DOCK4: variants seen among roughly 807,000 people sequenced by gnomAD.
DOCK4 encodes dedicator of cytokinesis 4.
DOCK4 carries 97 observed loss-of-function variants against 268.1 expected under a neutral mutation model. The observed-to-expected ratio is 0.36, with a 90% CI of 0.31 to 0.43. The LOEUF is 0.43. DOCK4 is among the 20% of genes least tolerant of loss of function. The pLI, the probability that DOCK4 is intolerant of heterozygous loss-of-function variation, is 1.00. For synonymous variants in DOCK4, 954 were observed against 887.2 expected (o/e 1.08, Z -1.34); for missense variants, 2,145 against 2,455.7 (o/e 0.87, Z 2.67).
chr7:112,134,009 T>G (rs1302739705), intron 1 of DOCK4, among the ~76,000 whole-genome samples: 1 of 152,178 alleles, frequency 6.6e-6, no homozygotes, highest in Non-Finnish European at 1.5e-5. Flanking sequence ...AGATTAGCTA[T>G]TATTTGGTAA....
chr7:111,868,357 A>T (rs10269918), intron 21 of DOCK4, among the ~76,000 whole-genome samples: 15,329 of 152,226 alleles, frequency 0.1, 973 homozygotes, highest in African/African-American at 0.17. Context: ...GAGAAAAAAA[A>T]TTTAAAAACA....
At chr7:112,114,996 A>G (rs568911872) in intron 1 of DOCK4, among the ~76,000 whole-genome samples, 1 of 152,304 alleles carries the variant, frequency 6.6e-6, no homozygotes, top group Admixed American at 6.5e-5. Context: ...ATTAAAACCC[A>G]TTCCCAACAG....
At chr7:111,951,325 G>C (rs1370534811) in intron 8 of DOCK4, among the ~76,000 whole-genome samples, 7 of 152,126 alleles carry the variant, frequency 4.6e-5, no homozygotes, top group Non-Finnish European at 8.8e-5. Flanking sequence ...AGTAGGAGGT[G>C]GAAACCACTG....
At chr7:111,906,019 T>C (rs1791539435) in intron 13 of DOCK4, among the ~76,000 whole-genome samples, 3 of 152,208 alleles carry the variant, frequency 2.0e-5, no homozygotes, top group Non-Finnish European at 2.9e-5. Context: ...ATTTCCATTT[T>C]GCAGATGAGG....
At chr7:112,099,065 G>A (rs1005255105) in intron 1 of DOCK4, among the ~76,000 whole-genome samples, 17 of 152,032 alleles carry the variant, frequency 1.1e-4, no homozygotes, top group Admixed American at 2.0e-4. Context: ...CTAGGTGGGC[G>A]GATGGCTTGA....
At chr7:111,847,270 T>C in intron 23 of DOCK4, 144 bp from the exon 24 acceptor site, 1 of 1,068,934 alleles carries the variant, frequency 9.4e-7, no homozygotes, top group Non-Finnish European at 1.3e-6. Context: ...ACAAGGTTTA[T>C]ATTGAAAAAC....
chr7:112,032,411 A>G (rs1486165713), intron 1 of DOCK4, among the ~76,000 whole-genome samples: 3 of 152,238 alleles, frequency 2.0e-5, no homozygotes, highest in Non-Finnish European at 4.4e-5. Context: ...AAATAAATGG[A>G]TTAGATTTTT....
chr7:111,813,125 T>A (rs60149761), intron 27 of DOCK4, among the ~76,000 whole-genome samples: 1 of 152,152 alleles, frequency 6.6e-6, no homozygotes, highest in Non-Finnish European at 1.5e-5. Context: ...AAACTGAGGA[T>A]CAATATATAA....
At chr7:111,862,032 G>C (rs981673353) in intron 23 of DOCK4, among the ~76,000 whole-genome samples, 1 of 152,140 alleles carries the variant, frequency 6.6e-6, no homozygotes, top group African/African-American at 2.4e-5. Context: ...CGGGTGCGGT[G>C]ACTCATGCCT....
intron 1 of DOCK4, among the ~76,000 whole-genome samples, chr7:112,094,450 T>C (rs1461071851): frequency 6.6e-6 from 1 of 152,236 alleles, no homozygotes; most frequent in East Asian, 1.9e-4. Context: ...CTCTAGTGGC[T>C]ATCAGTACTG....
At chr7:111,843,086 G>A (rs925396366) in intron 25 of DOCK4, among the ~76,000 whole-genome samples, 7 of 152,268 alleles carry the variant, frequency 4.6e-5, no homozygotes, top group African/African-American at 7.2e-5. Context: ...ACACTGCAAC[G>A]TCAGATTGTT....
intron 12 of DOCK4, among the ~76,000 whole-genome samples, chr7:111,933,835 C>T (rs775084563): frequency 3.9e-5 from 6 of 152,108 alleles, no homozygotes; most frequent in Admixed American, 1.3e-4. Context: ...GGAAACTGAC[C>T]TCACCACTCA....
intron 1 of DOCK4, among the ~76,000 whole-genome samples, chr7:112,059,882 T>C (rs947869625): frequency 6.6e-6 from 1 of 152,172 alleles, no homozygotes; most frequent in African/African-American, 2.4e-5. Flanking sequence ...TCAAAGTCTA[T>C]ACAAACTCAG....
At position 111,847,175 on chromosome 7, in the gene DOCK4, A is replaced by C. The variant is rs767664467; in HGVS notation, c.2474-49T>G. On this transcript the variant is annotated intron_variant, in intron 23 of 52. Transcript: ENST00000428084. ...GTCACATCTGTTGGAGTCCCACGCA[A>C]TACCTAGGGCAAATCCTTATCTACT... 31 of 1,609,166 alleles carry C rather than the reference A, an allele frequency of 1.9e-5. No homozygotes were observed. The East Asian group carries it at 6.5e-4, about 34-fold the overall frequency.
At chr7:112,075,033 A>G (rs1807936968) in intron 1 of DOCK4, among the ~76,000 whole-genome samples, 1 of 152,130 alleles carries the variant, frequency 6.6e-6, no homozygotes, top group Non-Finnish European at 1.5e-5. Context: ...ACAATTCTTT[A>G]TATTGATGTA....
chr7:111,833,448 G>A (rs1802998883), intron 26 of DOCK4, among the ~76,000 whole-genome samples: 1 of 152,054 alleles, frequency 6.6e-6, no homozygotes. Flanking sequence ...GGAAGCAGAG[G>A]CAGGAGGATT....
chr7:111,940,079 C>T (rs769338792), intron 11 of DOCK4, 31 bp downstream of exon 11: 8 of 1,612,848 alleles, frequency 5.0e-6, no homozygotes, highest in East Asian at 2.2e-5. Context: ...CCTGTGCCTA[C>T]CCCAGCCATC....
chr7:111,977,382 C>T (rs567940503), intron 7 of DOCK4, 99 bp from the exon 8 acceptor site: 399 of 1,302,486 alleles, frequency 3.1e-4, no homozygotes, highest in Non-Finnish European at 3.6e-4. Context: ...TGATGTCCTA[C>T]GCCATAACTT....
Position 112,000,549 on chromosome 7 carries a change from T to A in DOCK4, c.122-15A>T, listed in dbSNP as rs1800338832. ...TCTGTACCAGCCTGTGGAAAAATAA[T>A]CATGGTCATATTTTGATAAACCATT... On this transcript the variant is annotated splice_polypyrimidine_tract_variant and intron_variant, in intron 2 of 52. Transcript: ENST00000428084. The A allele has an allele frequency of 1.3e-6, 2 of 1,532,780 alleles. No homozygotes were observed. Among genetic ancestry groups the A allele is most frequent in the Non-Finnish European group, 1.8e-6 (2 of 1,129,068 alleles). 94.9% of individuals were successfully genotyped at this position (1,532,780 alleles called of 1,614,324 possible).
Sources: gnomAD v4.1 joint callset for allele counts (sites outside exome capture counted in the v4.1 genomes callset) on GRCh38, gnomAD v4.1.1 for gene constraint, MANE v1.5 for transcripts, NCBI Gene and HGNC (gene_info 2026-07-23, HGNC 2026-07-21) for gene names.